The following CHD3 variants were observed in gnomAD, a reference collection of about 807,000 sequenced individuals.
CHD3 encodes chromodomain helicase DNA binding protein 3.
Under a neutral mutation model 248.9 loss-of-function variants are expected in CHD3, and 52 were observed. The observed-to-expected ratio is 0.21, with a 90% CI of 0.17 to 0.26. The LOEUF is 0.26. Among genes scored for constraint, CHD3 ranks in the 10% least tolerant of loss-of-function variants. The probability of loss-of-function intolerance (pLI) is 1.00; values close to 1 mark genes in which losing one functional copy is unlikely to be tolerated. For synonymous variants in CHD3, 985 were observed against 985.2 expected (o/e 1.00, Z 0.00); for missense variants, 1,482 against 2,605.8 (o/e 0.57, Z 9.39).
rs141697841 is a variant in CHD3, at chr17:7,906,934, C to T, written c.4569C>T (p.Ala1523=). 1.1e-3 allele frequency: 1,705 copies of T among 1,614,108 alleles called. 3 individuals carry two copies. Among genetic ancestry groups the T allele is most frequent in the Non-Finnish European group, 1.3e-3 (1,534 of 1,180,010 alleles). ...SMPELMPDPS[A]DSKRSSRASS... ...CGGAACTGATGCCTGACCCCAGCGC[C>T]GATTCTAAGCGCTCCTCCAGAGCCT... is the stretch of plus-strand genomic sequence containing the variant. The change falls in exon 30 of 40, where the codon GCC becomes GCT. Residue 1523 remains alanine, a synonymous_variant. Transcript: ENST00000330494. The surrounding 1 kb of genome is among the most constrained non-coding windows in gnomAD (Gnocchi z 5.0).
In CHD3 at chr17:7,897,021, T is replaced by C; in HGVS notation, c.1708-62T>C. On this transcript the variant is annotated intron_variant, in intron 10 of 39. Transcript: ENST00000330494. This position sits in a 1 kb window ranked among gnomAD's most constrained non-coding sequence, Gnocchi z 4.8. Reference sequence around the variant, plus strand: ...ATTCCTCCTGCCGGCCTCTTCCCGGTTCCTTGTTGTCCTCTGTGAGTGTCA... The same window carrying C: ...ATTCCTCCTGCCGGCCTCTTCCCGGCTCCTTGTTGTCCTCTGTGAGTGTCA... 2 of 1,416,446 alleles carry C rather than the reference T, an allele frequency of 1.4e-6. No homozygotes were observed. Among genetic ancestry groups the C allele is most frequent in the Non-Finnish European group, 1.0e-6 (1 of 1,002,776 alleles). 87.7% of individuals were successfully genotyped at this position (1,416,446 alleles called of 1,614,324 possible).
Position 7,889,494 on chromosome 17 carries a change from C to T in CHD3, c.101-170C>T, listed in dbSNP as rs1303131832. 6.6e-6 allele frequency among the ~76,000 whole-genome samples: 1 copy of T among 152,188 alleles called. No individual in the cohort carries two copies. The highest frequency in any genetic ancestry group is 1.5e-5 in the Non-Finnish European group (1 of 68,022). On this transcript the variant is annotated intron_variant, in intron 1 of 39. Transcript: ENST00000330494. The surrounding 1 kb of genome is among the most constrained non-coding windows in gnomAD (Gnocchi z 4.5). The stretch of plus-strand genomic sequence containing the variant: ...CCTCCCATTCAGAACCAGAGCATCC[C>T]AGAGTACTCGAAACACTTTCTGTTT...
chr17:7,907,982 C>T lies in CHD3; in HGVS notation c.5115C>T (p.Pro1705=). The T allele has an allele frequency of 1.2e-6, 2 of 1,611,302 alleles. No individual in the cohort carries two copies. Among genetic ancestry groups the T allele is most frequent in the Non-Finnish European group, 1.7e-6 (2 of 1,177,872 alleles). Reference sequence around the variant, plus strand: ...GACGAGAGGAAAAGACAGAGAAGCCCCGGTTCATGTTCAATATCGCCGATG... The same window carrying T: ...GACGAGAGGAAAAGACAGAGAAGCCTCGGTTCATGTTCAATATCGCCGATG... ...NGRREEKTEK[P]RFMFNIADGG... The change falls in exon 34 of 40, where the codon CCC becomes CCT. Residue 1705 remains proline, a synonymous_variant. Coordinates refer to ENST00000330494, the MANE Select transcript of CHD3 (RefSeq NM_001005273.3). The surrounding 1 kb of genome is among the most constrained non-coding windows in gnomAD (Gnocchi z 4.3).
chr17:7,905,594 G>A lies in CHD3; in HGVS notation c.4139-27G>A, dbSNP rs1195652173. 1 of 1,542,676 alleles carries A rather than the reference G, an allele frequency of 6.5e-7. No homozygotes were observed. The highest frequency in any genetic ancestry group is 8.8e-7 in the Non-Finnish European group (1 of 1,139,276). On this transcript the variant is annotated intron_variant, in intron 26 of 39. Transcript: ENST00000330494. The surrounding 1 kb of genome is among the most constrained non-coding windows in gnomAD (Gnocchi z 5.8). ...GAGGCTTAGAGGAGGTGGTGGCTCA[G>A]CTAACTGATGTCATCCCCACCCTCA...
In CHD3 at chr17:7,909,577, T is replaced by G; in HGVS notation, c.5590+239T>G. 1 of 577,296 alleles carries G rather than the reference T, an allele frequency of 1.7e-6. No individual in the cohort carries two copies. Among genetic ancestry groups the G allele is most frequent in the South Asian group, 2.3e-5 (1 of 43,420 alleles). 35.8% of individuals were successfully genotyped at this position (577,296 alleles called of 1,614,324 possible). ...CACATCCGTGCCCAATAGAGGGACC[T>G]GCCCCAGCCTCTGTGTCCCCTCCAC... On this transcript the variant is annotated intron_variant, in intron 37 of 39. Coordinates refer to ENST00000330494, the MANE Select transcript of CHD3 (RefSeq NM_001005273.3). The surrounding 1 kb of genome is among the most constrained non-coding windows in gnomAD (Gnocchi z 8.1).
rs761816620 is a variant in CHD3, at chr17:7,908,737, C to A, written c.5302C>A (p.Gln1768Lys). The A allele has an allele frequency of 6.2e-7, 1 of 1,614,048 alleles. No individual in the cohort carries two copies. Among genetic ancestry groups the A allele is most frequent in the South Asian group, 1.1e-5 (1 of 91,076 alleles). ...ARWQDIQNDA[Q>K]FAIINEPFKT... Reference sequence around the variant, plus strand: ...GTGGCAGGACATCCAGAATGATGCTCAATTTGCCATTATCAACGAGCCATT... The same window carrying A: ...GTGGCAGGACATCCAGAATGATGCTAAATTTGCCATTATCAACGAGCCATT... The change falls in exon 36 of 40, where the codon CAA (glutamine) becomes AAA (lysine). Residue 1768 changes from glutamine (Q) to lysine (K), a missense_variant. Gln to Lys is a moderately conservative substitution (Grantham distance 53). Coordinates refer to ENST00000330494, the MANE Select transcript of CHD3 (RefSeq NM_001005273.3). This position sits in a 1 kb window ranked among gnomAD's most constrained non-coding sequence, Gnocchi z 5.8.
chr17:7,894,448 A>G lies in CHD3; in HGVS notation c.1109A>G (p.Glu370Gly). 6.2e-7 allele frequency: 1 copy of G among 1,613,724 alleles called. No individual in the cohort carries two copies. The highest frequency in any genetic ancestry group is 8.5e-7 in the Non-Finnish European group (1 of 1,179,874). Reference sequence around the variant, plus strand: ...TGTCCTGCAGTGGCCGGGGAGGAGGAGGTTGATGGCTACGAGACGGATCAC... The same window carrying G: ...TGTCCTGCAGTGGCCGGGGAGGAGGGGGTTGATGGCTACGAGACGGATCAC... ...LGCPAVAGEEEVDGYETDHQD... is the reference protein window; with the variant it reads ...LGCPAVAGEEGVDGYETDHQD... Residue 370 changes from glutamate to glycine, a missense_variant, in exon 8 of 40, where the codon GAG (glutamate) becomes GGG (glycine). Physicochemically the swap from Glu to Gly is moderately conservative, Grantham distance 98. Transcript: ENST00000330494.
At chr17:7,893,113 G>A (rs956572863) in intron 4 of CHD3, among the ~76,000 whole-genome samples, 173 bp from the exon 5 acceptor site, 2 of 151,594 alleles carry the variant, frequency 1.3e-5, no homozygotes, top group African/African-American at 2.4e-5. Flanking sequence ...TTCTTTCCCC[G>A]CTTTTTTTAA....
rs1327994332 is a variant in CHD3, at chr17:7,900,595, T to C, written c.2842T>C (p.Ser948Pro). ...CTTCCTGGAGGAGTTTGCTGACATA[T>C]CCAAAGAGGACCAGATCAAGAAACT... ...EGFLEEFADI[S>P]KEDQIKKLHD... The change falls in exon 18 of 40, where the codon TCC becomes CCC. Residue 948 changes from serine (S) to proline (P), a missense_variant. Physicochemically the swap from Ser to Pro is moderately conservative, Grantham distance 74 (BLOSUM62 -1). Coordinates refer to ENST00000330494, the MANE Select transcript of CHD3 (RefSeq NM_001005273.3). The surrounding 1 kb of genome is among the most constrained non-coding windows in gnomAD (Gnocchi z 6.5). The C allele has an allele frequency of 1.2e-6, 2 of 1,613,846 alleles. No individual in the cohort carries two copies. Among genetic ancestry groups the C allele is most frequent in the African/African-American group, 1.3e-5 (1 of 74,848 alleles).
At chr17:7,901,507 T>TTG in intron 20 of CHD3, 132 bp downstream of exon 20, 2 of 472,422 alleles carry the variant, frequency 4.2e-6, no homozygotes, top group South Asian at 7.3e-5. Flanking sequence ...TGTAAGAGTT[T>TTG]TTTTTTTTTT....
chr17:7,889,113 G>A lies in CHD3; in HGVS notation c.100+13G>A. ...GACAGGATGCCTGGTAATTATCCGAGGAAATGTAAATAGAGGCCTCCCTCT... is the reference window on the plus strand; with the variant it reads ...GACAGGATGCCTGGTAATTATCCGAAGAAATGTAAATAGAGGCCTCCCTCT... On this transcript the variant is annotated intron_variant, in intron 1 of 39. Coordinates refer to ENST00000330494, the MANE Select transcript of CHD3 (RefSeq NM_001005273.3). This position sits in a 1 kb window ranked among gnomAD's most constrained non-coding sequence, Gnocchi z 4.5. The A allele has an allele frequency of 6.2e-7, 1 of 1,614,140 alleles. No individual in the cohort carries two copies. The highest frequency in any genetic ancestry group is 8.5e-7 in the Non-Finnish European group (1 of 1,179,984).
At position 7,911,747 on chromosome 17, in the gene CHD3, G is replaced by T; in HGVS notation, c.*162G>T. On this transcript the variant is annotated 3_prime_UTR_variant, in exon 40 of 40. Transcript: ENST00000330494. This position sits in a 1 kb window ranked among gnomAD's most constrained non-coding sequence, Gnocchi z 5.4. ...TCTGCAGCTCCTCTCTTCAAGAAGG[G>T]CCCTTTGTCTTTCTCCACTCCCACA... 6.5e-7 allele frequency: 1 copy of T among 1,530,006 alleles called. No individual in the cohort carries two copies. The allele number at this position is 1,530,006 out of a possible 1,614,324, so 94.8% of individuals were successfully genotyped here.
At position 7,905,695 on chromosome 17, in the gene CHD3, G is replaced by T; in HGVS notation, c.4213G>T (p.Gly1405Cys). 1 of 1,612,474 alleles carries T rather than the reference G, an allele frequency of 6.2e-7. No homozygotes were observed. The highest frequency in any genetic ancestry group is 1.1e-5 in the South Asian group (1 of 90,874). The change falls in exon 27 of 40, where the codon GGC becomes TGC. Residue 1405 changes from glycine to cysteine, a missense_variant. Gly to Cys is a radical substitution (Grantham distance 159). Around this residue, in one of 20 missense-constraint regions of CHD3, gnomAD observed 156 missense variants for 420.3 expected, o/e 0.37. Transcript: ENST00000330494. The surrounding 1 kb of genome is among the most constrained non-coding windows in gnomAD (Gnocchi z 5.8). ...PLPPLLARVG[G>C]NIEVLGFNTR... ...GCCTCCACTGCTGGCCCGAGTCGGG[G>T]GCAACATTGAGGTGAGAGCTGGGCC...
At chr17:7,886,329 G>A (rs1398701204), upstream of CHD3, among the ~76,000 whole-genome samples, 1 of 152,218 alleles carries the variant, frequency 6.6e-6, no homozygotes, top group Non-Finnish European at 1.5e-5. This position sits in a 1 kb window ranked among gnomAD's most constrained non-coding sequence, Gnocchi z 4.2. Flanking sequence ...TCTTCTTTGG[G>A]ATAGGTGAGC....
Position 7,906,801 on chromosome 17 carries a change from G to A in CHD3, c.4504-68G>A. On this transcript the variant is annotated intron_variant, in intron 29 of 39. Transcript: ENST00000330494. This position sits in a 1 kb window ranked among gnomAD's most constrained non-coding sequence, Gnocchi z 5.0. ...TAAGCTTGCGCTGGTGTGAGACGGA[G>A]GAGACTGGAGCTTCCTGTCTGTAAG... The A allele has an allele frequency of 4.4e-6, 7 of 1,600,142 alleles. No individual in the cohort carries two copies. Among genetic ancestry groups the A allele is most frequent in the Non-Finnish European group, 5.1e-6 (6 of 1,171,700 alleles).
Position 7,894,203 on chromosome 17 carries a change from C to T in CHD3, c.1013C>T (p.Pro338Leu), listed in dbSNP as rs755194124. 10 of 1,614,104 alleles carry T rather than the reference C, an allele frequency of 6.2e-6. No homozygotes were observed. Among genetic ancestry groups the T allele is most frequent in the Middle Eastern group, 1.6e-4 (1 of 6,084 alleles). Residue 338 changes from proline to leucine, a missense_variant, in exon 7 of 40, where the codon CCT (proline) becomes CTT (leucine). By Grantham distance (98) the Pro-to-Leu change is moderately conservative (BLOSUM62 -3). Coordinates refer to ENST00000330494, the MANE Select transcript of CHD3 (RefSeq NM_001005273.3). ...SGSVHSASGRPDGPVRTKKLK... is the reference protein window; with the variant it reads ...SGSVHSASGRLDGPVRTKKLK... ...AGTGTCCACAGTGCCTCAGGCCGGC[C>T]TGATGGCCCTGTCCGCACCAAGAAA...
rs1970691884 is a variant in CHD3, at chr17:7,904,627, C to T, written c.4072+8C>T. 6.2e-7 allele frequency: 1 copy of T among 1,610,804 alleles called. No homozygotes were observed. Among genetic ancestry groups the T allele is most frequent in the South Asian group, 1.1e-5 (1 of 90,918 alleles). ...CTGCTCAGGAAGACCAAGGTGAGGACTGCCCCAGATGCAGGCAGTAAAGGG... is the reference window on the plus strand; with the variant it reads ...CTGCTCAGGAAGACCAAGGTGAGGATTGCCCCAGATGCAGGCAGTAAAGGG... On this transcript the variant is annotated splice_region_variant and intron_variant, in intron 25 of 39. Coordinates refer to ENST00000330494, the MANE Select transcript of CHD3 (RefSeq NM_001005273.3). This position sits in a 1 kb window ranked among gnomAD's most constrained non-coding sequence, Gnocchi z 4.4.
intron 4 of CHD3, among the ~76,000 whole-genome samples, chr17:7,891,641 G>A (rs978680743): frequency 6.6e-6 from 1 of 152,054 alleles, no homozygotes; most frequent in Non-Finnish European, 1.5e-5. Context: ...CAGGTGGATC[G>A]CCTGAGGTCA....
At position 7,899,636 on chromosome 17, in the gene CHD3, C is replaced by G; in HGVS notation, c.2544+93C>G. 7.7e-7 allele frequency: 1 copy of G among 1,297,614 alleles called. No individual in the cohort carries two copies. The highest frequency in any genetic ancestry group is 1.3e-5 in the South Asian group (1 of 75,438). 80.4% of individuals were successfully genotyped at this position (1,297,614 alleles called of 1,614,324 possible). On this transcript the variant is annotated intron_variant, in intron 15 of 39. Coordinates refer to ENST00000330494, the MANE Select transcript of CHD3 (RefSeq NM_001005273.3). The surrounding 1 kb of genome is among the most constrained non-coding windows in gnomAD (Gnocchi z 6.8). The stretch of plus-strand genomic sequence containing the variant: ...TCAGTTTCTCTATTCCCCTCCTCAC[C>G]TTTCTCCTCTTCCTCCACCTGTCCT...
Sources: gnomAD v4.1 joint callset for allele counts (sites outside exome capture counted in the v4.1 genomes callset) on GRCh38, gnomAD v4.1.1 for gene constraint, gnomAD v4.1.1 regional missense constraint, Gnocchi (gnomAD v3.1) non-coding constraint, MANE v1.5 for transcripts, NCBI Gene and HGNC (gene_info 2026-07-23, HGNC 2026-07-21) for gene names.